TMEM239: variants seen among roughly 807,000 people sequenced by gnomAD.
TMEM239 encodes the protein transmembrane protein 239.
TMEM239 carries 10 observed loss-of-function variants against 14.6 expected under a neutral mutation model. The ratio of observed to expected loss-of-function variants is 0.68; its 90% confidence interval spans 0.42 to 1.16. TMEM239 has a LOEUF of 1.16. Ranked by LOEUF, TMEM239 falls within the 50% of genes most tolerant of loss-of-function variation. The pLI, the probability that TMEM239 is intolerant of heterozygous loss-of-function variation, is 0.00. For synonymous variants in TMEM239, 94 were observed against 89.9 expected (o/e 1.05, Z -0.26); for missense variants, 183 against 194.4 (o/e 0.94, Z 0.35).
downstream of TMEM239, chr20:2,820,155 A>G (rs7360412): frequency 6.6e-6 from 1 of 152,082 alleles, no homozygotes; most frequent in Non-Finnish European, 1.5e-5. Flanking sequence ...AAACAAGACA[A>G]TTTTTGGCAA....
downstream of TMEM239, chr20:2,819,413 A>G (rs1035138541): frequency 4.6e-5 from 7 of 152,208 alleles, no homozygotes; most frequent in South Asian, 2.1e-4. Context: ...TTAGATCCAC[A>G]TATACCCTAG....
chr20:2,819,577 T>A (rs542467173), downstream of TMEM239: 1 of 59,752 alleles, frequency 1.7e-5, no homozygotes, highest in Non-Finnish European at 3.1e-5. Flanking sequence ...AGAGTCTGCA[T>A]TTTTTTTTTT....
Position 2,817,562 on chromosome 20 carries a change from A to C in TMEM239, c.*549A>C. Reference sequence around the variant, plus strand: ...AGACCTCAACTCACTCGCTCTCCAAACCTTGCAGCCCACGCATCCTCCTCC... The same window carrying C: ...AGACCTCAACTCACTCGCTCTCCAACCCTTGCAGCCCACGCATCCTCCTCC... On this transcript the variant is annotated 3_prime_UTR_variant, in exon 2 of 2. Coordinates refer to ENST00000380585, the MANE Select transcript of TMEM239 (RefSeq NM_001167670.3). The C allele has an allele frequency of 6.2e-6, 1 of 160,534 alleles. No individual in the cohort carries two copies. The highest frequency in any genetic ancestry group is 1.4e-5 in the Non-Finnish European group (1 of 73,056). The allele number at this position is 160,534 out of a possible 1,614,324, so 9.9% of individuals were successfully genotyped here.
upstream of TMEM239, chr20:2,816,276 G>T: frequency 1.4e-6 from 2 of 1,472,062 alleles, no homozygotes; most frequent in Non-Finnish European, 1.8e-6. Flanking sequence ...CTCCTCTCTT[G>T]GCTGGACCCC....
downstream of TMEM239, chr20:2,819,355 T>C (rs1338847722): frequency 6.6e-6 from 1 of 152,028 alleles, no homozygotes; most frequent in Non-Finnish European, 1.5e-5. Context: ...TGGTATGGGG[T>C]AAGGAGGTGC....
chr20:2,817,512 G>A lies in TMEM239; in HGVS notation c.*499G>A, dbSNP rs114796491. 1,220 of 175,184 alleles carry A rather than the reference G, an allele frequency of 7.0e-3. 14 individuals carry two copies. The highest frequency in any genetic ancestry group is 0.027 in the African/African-American group (1,145 of 42,224). The allele number at this position is 175,184 out of a possible 1,614,324, so 10.9% of individuals were successfully genotyped here. On this transcript the variant is annotated 3_prime_UTR_variant, in exon 2 of 2. Coordinates refer to ENST00000380585, the MANE Select transcript of TMEM239 (RefSeq NM_001167670.3). ...GTCCCAGTGACAAAAATCTATCAGG[G>A]AGAAGGCTGGCCAGAAGCCCCAGGA... is the stretch of plus-strand genomic sequence containing the variant.
chr20:2,816,500 C>CCAG, intron 1 of TMEM239, 44 bp from the exon 2 acceptor site: 1 of 1,526,734 alleles, frequency 6.5e-7, no homozygotes, highest in Admixed American at 2.0e-5. Flanking sequence ...TGCCCCCCCC[C>CCAG]CCCAAGGTCC....
intron 1 of TMEM239, 51 bp from the exon 2 acceptor site, chr20:2,816,493 C>CA: frequency 5.2e-6 from 1 of 193,504 alleles, no homozygotes; most frequent in South Asian, 9.0e-5. Flanking sequence ...CCCTCTCTGC[C>CA]CCCCCCCCCC....
upstream of TMEM239, chr20:2,815,811 A>G (rs776404113): frequency 5.7e-5 from 88 of 1,535,766 alleles, no homozygotes; most frequent in Non-Finnish European, 7.7e-5. Context: ...CTTCAAATAT[A>G]CAATGACCAC....
chr20:2,819,313 C>T (rs987925056), downstream of TMEM239: 1 of 152,272 alleles, frequency 6.6e-6, no homozygotes, highest in African/African-American at 2.4e-5. Flanking sequence ...CCTTTCCCCA[C>T]AGACTATATA....
chr20:2,816,682 C>A lies in TMEM239; in HGVS notation c.128C>A (p.Pro43Gln), dbSNP rs370160010. 7 of 1,543,764 alleles carry A rather than the reference C, an allele frequency of 4.5e-6. No homozygotes were observed. The highest frequency in any genetic ancestry group is 6.1e-6 in the Non-Finnish European group (7 of 1,145,532). The change falls in exon 2 of 2, where the codon CCG (proline) becomes CAG (glutamine). Residue 43 changes from proline to glutamine, a missense_variant. By Grantham distance (76) the Pro-to-Gln change is moderately conservative. Transcript: ENST00000380585. ...CGCTGGTGGGTGAGCCACATGCCCC[C>A]GAGCTGGATCCAGTGGTGGAGCACC... ...WVRWWVSHMPPSWIQWWSTSN... is the reference protein window; with the variant it reads ...WVRWWVSHMPQSWIQWWSTSN...
At position 2,817,233 on chromosome 20, in the gene TMEM239, A is replaced by G. The variant is rs1054118658; in HGVS notation, c.*220A>G. 6.3e-6 allele frequency: 4 copies of G among 636,926 alleles called. No individual in the cohort carries two copies. The African/African-American group carries it at 7.3e-5, about 12-fold the overall frequency. 39.5% of individuals were successfully genotyped at this position (636,926 alleles called of 1,614,324 possible). ...CTGGGGGCTTTGAGAAGAGGGGGCA[A>G]GACAGATGGCTTAGCCATTGGTGAA... On this transcript the variant is annotated 3_prime_UTR_variant, in exon 2 of 2. Transcript: ENST00000380585.
At chr20:2,816,174 T>G, upstream of TMEM239, 1 of 636,042 alleles carries the variant, frequency 1.6e-6, no homozygotes, top group Non-Finnish European at 2.7e-6. Flanking sequence ...TGAGAAAGCA[T>G]GAGAAACTAC....
At chr20:2,815,819 C>G (rs377214799), upstream of TMEM239, 34 of 1,506,524 alleles carry the variant, frequency 2.3e-5, no homozygotes, top group Non-Finnish European at 3.0e-5. Flanking sequence ...ATACAATGAC[C>G]ACCCTTCTTC....
Position 2,816,751 on chromosome 20 carries a change from A to G in TMEM239, c.197A>G (p.Glu66Gly), listed in dbSNP as rs2088678730. 1 of 1,550,806 alleles carries G rather than the reference A, an allele frequency of 6.4e-7. No homozygotes were observed. Among genetic ancestry groups the G allele is most frequent in the South Asian group, 1.2e-5 (1 of 84,056 alleles). ...QPLQRLLWGL[E>G]GILYLLLALM... Reference sequence around the variant, plus strand: ...CTGCAGCGCCTGCTGTGGGGTCTGGAGGGGATACTCTACCTGCTGCTGGCA... The same window carrying G: ...CTGCAGCGCCTGCTGTGGGGTCTGGGGGGGATACTCTACCTGCTGCTGGCA... Residue 66 changes from glutamate to glycine, a missense_variant, in exon 2 of 2, where the codon GAG becomes GGG. Transcript: ENST00000380585.
chr20:2,819,667 C>T (rs974818175), downstream of TMEM239: 2 of 151,494 alleles, frequency 1.3e-5, no homozygotes, highest in African/African-American at 4.9e-5. Flanking sequence ...GCTCCACCTC[C>T]CAGGTCCAAG....
chr20:2,816,830 G>C lies in TMEM239; in HGVS notation c.276G>C (p.Leu92Phe). 6.5e-7 allele frequency: 1 copy of C among 1,549,746 alleles called. No homozygotes were observed. The highest frequency in any genetic ancestry group is 8.7e-7 in the Non-Finnish European group (1 of 1,146,974). The change falls in exon 2 of 2, where the codon TTG (leucine) becomes TTC (phenylalanine). Residue 92 changes from leucine to phenylalanine, a missense_variant. By Grantham distance (22) the Leu-to-Phe change is conservative. Coordinates refer to ENST00000380585, the MANE Select transcript of TMEM239 (RefSeq NM_001167670.3). ...CTGGCTCCCACCTGCTGAGCTCCTT[G>C]TGGCCTGTCGTGGCCGCGGTGTGGC... ...FTTGSHLLSS[L>F]WPVVAAVWRH...
chr20:2,816,150 G>C (rs190738648), upstream of TMEM239, among the ~76,000 whole-genome samples: 2 of 152,308 alleles, frequency 1.3e-5, no homozygotes, highest in East Asian at 1.9e-4. Context: ...CAGGGATCCA[G>C]GGAGGGCTTC....
At chr20:2,816,496 C>T (rs568020226) in intron 1 of TMEM239, 48 bp from the exon 2 acceptor site, 33 of 1,527,650 alleles carry the variant, frequency 2.2e-5, no homozygotes, top group East Asian at 7.3e-5. Context: ...TCTCTGCCCC[C>T]CCCCCCCAAG....
Sources: gnomAD v4.1 joint callset for allele counts (sites outside exome capture counted in the v4.1 genomes callset) on GRCh38, gnomAD v4.1.1 for gene constraint, MANE v1.5 for transcripts, NCBI Gene and HGNC (gene_info 2026-07-23, HGNC 2026-07-21) for gene names.